CENPP: variants seen among roughly 807,000 people sequenced by gnomAD.
The protein encoded by CENPP is centromere protein P.
In CENPP, 24 loss-of-function variants were observed where a neutral mutation model predicts 35.6. The ratio of observed to expected loss-of-function variants is 0.67; its 90% CI spans 0.49 to 0.95. The LOEUF (loss-of-function observed/expected upper bound fraction) is 0.95, where lower values mean the gene tolerates loss of function less well. Among genes scored for constraint, CENPP ranks in the 40% least tolerant of loss-of-function variants. The pLI is 0.00. For missense variants in CENPP, 332 were observed against 345.3 expected (o/e 0.96, Z 0.31); for synonymous variants, 120 against 125.5 (o/e 0.96, Z 0.29).
At chr9:92,525,397 A>G (rs1430404869) in intron 5 of CENPP, among the ~76,000 whole-genome samples, 1 of 152,206 alleles carries the variant, frequency 6.6e-6, no homozygotes, top group African/African-American at 2.4e-5. Context: ...CATTTGACCA[A>G]AGAAAGTACA....
intron 5 of CENPP, among the ~76,000 whole-genome samples, chr9:92,516,070 T>G (rs183515788): frequency 7.1e-6 from 1 of 141,724 alleles, no homozygotes; most frequent in African/African-American, 2.6e-5. Context: ...CATACTTTTT[T>G]TTCCCCCCCC....
At chr9:92,578,130 C>T (rs1432627319) in intron 5 of CENPP, among the ~76,000 whole-genome samples, 1 of 151,990 alleles carries the variant, frequency 6.6e-6, no homozygotes, top group Non-Finnish European at 1.5e-5. Flanking sequence ...GACATGAACT[C>T]GTCATTTTTT....
At chr9:92,386,803 C>T (rs1441365141) in intron 5 of CENPP, among the ~76,000 whole-genome samples, 3 of 151,954 alleles carry the variant, frequency 2.0e-5, no homozygotes, top group Non-Finnish European at 4.4e-5. Context: ...GGTATGGTAT[C>T]GATTTCCTGA....
intron 5 of CENPP, among the ~76,000 whole-genome samples, chr9:92,516,429 A>G (rs1847726602): frequency 6.6e-6 from 1 of 152,090 alleles, no homozygotes; most frequent in African/African-American, 2.4e-5. Context: ...CTTTTATTTA[A>G]CACTATATAT....
chr9:92,514,159 G>A (rs939363974), intron 5 of CENPP, among the ~76,000 whole-genome samples: 2 of 144,942 alleles, frequency 1.4e-5, no homozygotes, highest in Non-Finnish European at 3.0e-5. Context: ...ACAGGATCTC[G>A]CTCTGTTGCC....
At chr9:92,394,694 T>A (rs1402892750) in intron 5 of CENPP, among the ~76,000 whole-genome samples, 1 of 149,946 alleles carries the variant, frequency 6.7e-6, no homozygotes, top group Non-Finnish European at 1.5e-5. Context: ...AGTCTCCGCC[T>A]CCCGGGTTCA....
chr9:92,392,201 A>T (rs1344469810), intron 5 of CENPP, among the ~76,000 whole-genome samples: 3 of 152,022 alleles, frequency 2.0e-5, no homozygotes, highest in African/African-American at 7.2e-5. Flanking sequence ...ATTAAATACC[A>T]CTGTTCTCAA....
rs913209276 is a variant in CENPP, at chr9:92,326,059, G to C, written c.61G>C (p.Ala21Pro). Residue 21 changes from alanine (A) to proline (P), a missense_variant, in exon 1 of 8, where the codon GCG becomes CCG. Physicochemically the swap from Ala to Pro is conservative, Grantham distance 27. Coordinates refer to ENST00000375587, the MANE Select transcript of CENPP (RefSeq NM_001012267.3). The part of the protein sequence containing the change: ...LQAEIAALRR[A>P]CEDPPAPWEE... ...AGCTGAGATCGCGGCCCTGCGGCGA[G>C]CGTGTGAGGACCCACCGGCGCCCTG... is the stretch of plus-strand genomic sequence containing the variant. 1.3e-5 allele frequency: 21 copies of C among 1,565,262 alleles called. No homozygotes were observed. The highest frequency in any genetic ancestry group is 1.7e-5 in the Non-Finnish European group (20 of 1,155,760).
Position 92,332,311 on chromosome 9 carries a change from G to A in CENPP, c.249G>A (p.Lys83=). Residue 83 remains lysine, a synonymous_variant, in exon 2 of 8, where the codon AAG becomes AAA. Coordinates refer to ENST00000375587, the MANE Select transcript of CENPP (RefSeq NM_001012267.3). ...GCATCAATATAAGAAATCACTCCAA[G>A]CAGACAGAAGACCTAACAAGCACTG... is the stretch of plus-strand genomic sequence containing the variant. The part of the protein sequence containing the change: ...LTGINIRNHS[K]QTEDLTSTEM... 1 of 1,608,854 alleles carries A rather than the reference G, an allele frequency of 6.2e-7. No individual in the cohort carries two copies. Among genetic ancestry groups the A allele is most frequent in the Non-Finnish European group, 8.5e-7 (1 of 1,178,182 alleles).
chr9:92,499,937 A>G (rs923380087), intron 5 of CENPP, among the ~76,000 whole-genome samples: 9 of 152,358 alleles, frequency 5.9e-5, no homozygotes, highest in Non-Finnish European at 8.8e-5. Context: ...TCAGTATATA[A>G]GCTGAACACA....
chr9:92,397,056 AG>A (rs984466693), intron 5 of CENPP, among the ~76,000 whole-genome samples: 1 of 151,828 alleles, frequency 6.6e-6, no homozygotes. Flanking sequence ...ACGTTCCTGT[AG>A]TCCCAGCTAC....
intron 2 of CENPP, 119 bp downstream of exon 2, chr9:92,332,470 T>C: frequency 1.4e-6 from 1 of 730,210 alleles, no homozygotes; most frequent in Non-Finnish European, 2.1e-6. Context: ...AGTATGGTTG[T>C]GGTAAACTTG....
At position 92,517,834 on chromosome 9, in the gene CENPP, T is replaced by A. The variant is rs766267096; in HGVS notation, c.565-93480T>A. ...GGCTCAGGCGACCACACAGCTTTGTTGTACATGGTTATGCCCTTTACCAAA... is the reference window on the plus strand; with the variant it reads ...GGCTCAGGCGACCACACAGCTTTGTAGTACATGGTTATGCCCTTTACCAAA... On this transcript the variant is annotated intron_variant, in intron 5 of 7. Coordinates refer to ENST00000375587, the MANE Select transcript of CENPP (RefSeq NM_001012267.3). 1.9e-6 allele frequency: 3 copies of A among 1,614,076 alleles called. No individual in the cohort carries two copies. In the Admixed American group the frequency reaches 5.0e-5, roughly 27 times the overall value.
At chr9:92,472,414 C>T (rs1353836553) in intron 5 of CENPP, among the ~76,000 whole-genome samples, 1 of 151,400 alleles carries the variant, frequency 6.6e-6, no homozygotes, top group African/African-American at 2.4e-5. Flanking sequence ...AATCCCAGCA[C>T]TTTCGGAGGC....
At chr9:92,436,578 G>C (rs1844250864) in intron 5 of CENPP, among the ~76,000 whole-genome samples, 1 of 151,892 alleles carries the variant, frequency 6.6e-6, no homozygotes, top group Admixed American at 6.6e-5. Context: ...TTTTATATAG[G>C]GTTTGAAAGG....
intron 5 of CENPP, among the ~76,000 whole-genome samples, chr9:92,552,630 A>G (rs1208025071): frequency 6.6e-6 from 1 of 152,010 alleles, no homozygotes; most frequent in African/African-American, 2.4e-5. Context: ...TTTGTTGGCC[A>G]TTTGTGTATC....
At chr9:92,555,769 A>G (rs912400706) in intron 5 of CENPP, among the ~76,000 whole-genome samples, 3 of 151,584 alleles carry the variant, frequency 2.0e-5, no homozygotes, top group African/African-American at 7.3e-5. Flanking sequence ...AGTTATTTGG[A>G]TTTTCTCTCT....
chr9:92,424,781 TCTC>T (rs1433466858), intron 5 of CENPP, among the ~76,000 whole-genome samples: 1 of 152,174 alleles, frequency 6.6e-6, no homozygotes, highest in Non-Finnish European at 1.5e-5. Flanking sequence ...TTCAAGCAAT[TCTC>T]CTGTCTCAGC....
At chr9:92,416,099 T>TTTA (rs1402189465) in intron 5 of CENPP, among the ~76,000 whole-genome samples, 29 of 132,842 alleles carry the variant, frequency 2.2e-4, no homozygotes, top group African/African-American at 7.2e-4. Flanking sequence ...TATTTATTTA[T>TTTA]TTTATTTTTT....
Sources: gnomAD v4.1 joint callset for allele counts (sites outside exome capture counted in the v4.1 genomes callset) on GRCh38, gnomAD v4.1.1 for gene constraint, MANE v1.5 for transcripts, NCBI Gene and HGNC (gene_info 2026-07-23, HGNC 2026-07-21) for gene names.